TEC: variants seen among roughly 807,000 people sequenced by gnomAD.
The protein encoded by TEC is tec protein tyrosine kinase.
A neutral mutation model predicts 93.0 loss-of-function variants in TEC; 72 were observed. The ratio of observed to expected loss-of-function variants is 0.77; its 90% CI spans 0.64 to 0.94. The LOEUF is 0.94. Among genes scored for constraint, TEC ranks in the 40% least tolerant of loss-of-function variants. TEC has a pLI of 0.00. For synonymous variants in TEC, 249 were observed against 247.7 expected, an observed-to-expected ratio of 1.01 and a Z score of -0.05; for missense variants, 630 against 757.9, an observed-to-expected ratio of 0.83 and a Z score of 1.98.
At chr4:48,182,648 G>C (rs1339526991) in intron 2 of TEC, among the ~76,000 whole-genome samples, 1 of 151,898 alleles carries the variant, frequency 6.6e-6, no homozygotes, top group Non-Finnish European at 1.5e-5. Flanking sequence ...CAGCGTATAT[G>C]GGAAAATGAG....
At chr4:48,248,904 C>A (rs1185942697) in intron 1 of TEC, among the ~76,000 whole-genome samples, 1 of 145,102 alleles carries the variant, frequency 6.9e-6, no homozygotes, top group Non-Finnish European at 1.5e-5. Context: ...GAGTTGAATT[C>A]CCCTAATTCA....
intron 2 of TEC, among the ~76,000 whole-genome samples, chr4:48,176,600 T>C (rs1721337423): frequency 6.6e-6 from 1 of 152,172 alleles, no homozygotes; most frequent in African/African-American, 2.4e-5. Context: ...TGTGCGCCTG[T>C]AATCCCAGCT....
chr4:48,161,436 C>T (rs1720651437), intron 8 of TEC, among the ~76,000 whole-genome samples: 2 of 151,824 alleles, frequency 1.3e-5, no homozygotes, highest in South Asian at 4.2e-4. Flanking sequence ...CGATCTTCTC[C>T]TCCCTACACT....
At chr4:48,156,776 G>A (rs773688079) in intron 8 of TEC, 42 bp from the exon 9 acceptor site, 12 of 1,507,824 alleles carry the variant, frequency 8.0e-6, no homozygotes, top group Non-Finnish European at 1.1e-5. Context: ...CAGGTTTTTA[G>A]GATATATTTT....
rs541926096 is a variant in TEC, at chr4:48,248,766, A to G, written c.-45-20107T>C. On this transcript the variant is annotated intron_variant, in intron 1 of 17. Coordinates refer to ENST00000381501, the MANE Select transcript of TEC (RefSeq NM_003215.3). ...GAGAGCACCAGGTTCACACGCCTCC[A>G]GTACACACCCCTTCTGGGGTGTATA... Among the ~76,000 whole-genome samples, 18 of 152,270 alleles carry G rather than the reference A, an allele frequency of 1.2e-4. 1 individual carries two copies. The highest frequency in any genetic ancestry group is 4.3e-4 in the African/African-American group (18 of 41,536).
intron 2 of TEC, among the ~76,000 whole-genome samples, chr4:48,180,012 T>G (rs1338882318): frequency 6.6e-6 from 1 of 152,168 alleles, no homozygotes; most frequent in Non-Finnish European, 1.5e-5. Flanking sequence ...CTGGCCTGGC[T>G]TCTAAAAGCA....
intron 1 of TEC, among the ~76,000 whole-genome samples, chr4:48,264,770 G>T (rs1344867377): frequency 6.6e-6 from 1 of 151,916 alleles, no homozygotes; most frequent in South Asian, 2.1e-4. Flanking sequence ...CTGAGTAGCT[G>T]GGATTACAGG....
intron 10 of TEC, among the ~76,000 whole-genome samples, chr4:48,150,513 A>G (rs774725102): frequency 6.6e-6 from 1 of 151,388 alleles, no homozygotes; most frequent in Non-Finnish European, 1.5e-5. Flanking sequence ...TACTACCATC[A>G]CTCTCTGTTA....
At chr4:48,142,532 T>C (rs1251402526) in intron 14 of TEC, among the ~76,000 whole-genome samples, 2 of 152,220 alleles carry the variant, frequency 1.3e-5, no homozygotes, top group East Asian at 1.9e-4. Flanking sequence ...CAGTATATTA[T>C]AACATGATGT....
At chr4:48,209,383 A>G (rs1363239358) in intron 2 of TEC, among the ~76,000 whole-genome samples, 1 of 151,616 alleles carries the variant, frequency 6.6e-6, no homozygotes, top group Non-Finnish European at 1.5e-5. Context: ...TGGGAGGACT[A>G]CTTGAGCCCA....
chr4:48,214,649 T>G (rs1723013525), intron 2 of TEC, among the ~76,000 whole-genome samples: 5 of 151,768 alleles, frequency 3.3e-5, no homozygotes, highest in Admixed American at 3.3e-4. Flanking sequence ...CTCAGGATTT[T>G]GAGACCAGCC....
intron 8 of TEC, among the ~76,000 whole-genome samples, chr4:48,162,276 AG>A (rs1720703304): frequency 6.6e-6 from 1 of 152,230 alleles, no homozygotes; most frequent in South Asian, 2.1e-4. Flanking sequence ...CCCACGCTGG[AG>A]GCTGAAGTAC....
At chr4:48,201,373 C>G (rs970174456) in intron 2 of TEC, among the ~76,000 whole-genome samples, 3 of 152,148 alleles carry the variant, frequency 2.0e-5, no homozygotes, top group African/African-American at 7.2e-5. Flanking sequence ...GGAAAGTCAT[C>G]TGCACACAGA....
At chr4:48,217,969 AG>A (rs1397005898) in intron 2 of TEC, among the ~76,000 whole-genome samples, 1 of 150,906 alleles carries the variant, frequency 6.6e-6, no homozygotes, top group Admixed American at 6.6e-5. Context: ...AAAAAAAAAA[AG>A]ACAGTGAATA....
intron 2 of TEC, among the ~76,000 whole-genome samples, chr4:48,212,117 A>T (rs1722930713): frequency 7.7e-6 from 1 of 129,388 alleles, no homozygotes; most frequent in Non-Finnish European, 1.6e-5. Flanking sequence ...AAAAATATAT[A>T]TATATATATA....
intron 1 of TEC, among the ~76,000 whole-genome samples, chr4:48,255,316 C>T (rs1011219946): frequency 6.6e-6 from 1 of 152,088 alleles, no homozygotes; most frequent in Non-Finnish European, 1.5e-5. Flanking sequence ...AGGAAGAGCT[C>T]CCCCTTTCCT....
intron 1 of TEC, among the ~76,000 whole-genome samples, chr4:48,231,770 A>G (rs555481505): frequency 6.6e-6 from 1 of 152,232 alleles, no homozygotes; most frequent in African/African-American, 2.4e-5. Context: ...AAAAAACAAC[A>G]AAGAATGGAT....
intron 1 of TEC, among the ~76,000 whole-genome samples, chr4:48,258,595 AT>A (rs1207750523): frequency 6.6e-6 from 1 of 152,188 alleles, no homozygotes; most frequent in Non-Finnish European, 1.5e-5. Context: ...CCATATCTGT[AT>A]TCTGATACAC....
In TEC at chr4:48,230,510, T is replaced by A. The variant is rs551501238; in HGVS notation, c.-45-1851A>T. On this transcript the variant is annotated intron_variant, in intron 1 of 17. Transcript: ENST00000381501. Reference sequence around the variant, plus strand: ...ACATTATGACCCCACATCTGGACCATGAGAGTAGCTTCCCAATTGGTCTTC... The same window carrying A: ...ACATTATGACCCCACATCTGGACCAAGAGAGTAGCTTCCCAATTGGTCTTC... 4.6e-5 allele frequency among the ~76,000 whole-genome samples: 7 copies of A among 152,348 alleles called. No homozygotes were observed. The South Asian group carries it at 1.2e-3, about 27-fold the overall frequency.
Sources: gnomAD v4.1 joint callset for allele counts (sites outside exome capture counted in the v4.1 genomes callset) on GRCh38, gnomAD v4.1.1 for gene constraint, MANE v1.5 for transcripts, NCBI Gene and HGNC (gene_info 2026-07-23, HGNC 2026-07-21) for gene names.